Variants in RTL10 observed in about 807,000 individuals in gnomAD.
RTL10 encodes protein Bop.
For synonymous variants in RTL10, 199 were observed against 188.4 expected (o/e 1.06, Z -0.46); for missense variants, 477 against 470.7 (o/e 1.01, Z -0.12).
Position 19,849,317 on chromosome 22 carries a change from C to T in RTL10, c.*1850G>A. The T allele has an allele frequency of 1.0e-6, 1 of 976,656 alleles. No individual in the cohort carries two copies. Among genetic ancestry groups the T allele is most frequent in the Non-Finnish European group, 1.2e-6 (1 of 822,926 alleles). The allele number at this position is 976,656 out of a possible 1,614,324, so 60.5% of individuals were successfully genotyped here. On this transcript the variant is annotated 3_prime_UTR_variant, in exon 3 of 3. Transcript: ENST00000328554. ...CAGAGCCTTTTCTAGTGATAGTTAC[C>T]ATAAAATAATCCCAACAATTTATAT...
rs536157589 is a variant in RTL10, at chr22:19,846,989, G to A, written c.*4178C>T. ...CCTCAGCAGCACCAACCAGCCCCAC[G>A]CTGGGTGGCTGCTTGTACTTCTCCA... On this transcript the variant is annotated 3_prime_UTR_variant, in exon 3 of 3. Transcript: ENST00000328554. 63 of 985,422 alleles carry A rather than the reference G, an allele frequency of 6.4e-5. No individual in the cohort carries two copies. The highest frequency in any genetic ancestry group is 2.1e-4 in the African/African-American group (12 of 57,352). The allele number at this position is 985,422 out of a possible 1,614,324, so 61.0% of individuals were successfully genotyped here. A position where few individuals can be genotyped will look rare whatever the true frequency, so the allele number is the denominator to read the frequency against.
rs1187629553 is a variant in RTL10 at position 19,850,838 on chromosome 22, A to C, written c.*329T>G. 7.7e-7 allele frequency: 1 copy of C among 1,305,034 alleles called. No individual in the cohort carries two copies. Among genetic ancestry groups the C allele is most frequent in the Non-Finnish European group, 9.7e-7 (1 of 1,031,282 alleles). The allele number at this position is 1,305,034 out of a possible 1,614,324, so 80.8% of individuals were successfully genotyped here. ...GTGTTTTATGGGGGTGGAGGTGACA[A>C]AGATGATGCAACTATCTGCTGAGAG... On this transcript the variant is annotated 3_prime_UTR_variant, in exon 3 of 3. Transcript: ENST00000328554.
Position 19,848,026 on chromosome 22 carries a change from G to T in RTL10, c.*3141C>A. ...CTAAATTTCCATATTTATTTGGCCC[G>T]TTTCAAAGTCCTCTATTCTCTGCTC... On this transcript the variant is annotated 3_prime_UTR_variant, in exon 3 of 3. Coordinates refer to ENST00000328554, the MANE Select transcript of RTL10 (RefSeq NM_024627.6). The T allele has an allele frequency of 1.0e-6, 1 of 985,158 alleles. No homozygotes were observed. The highest frequency in any genetic ancestry group is 1.2e-6 in the Non-Finnish European group (1 of 829,772). The allele number at this position is 985,158 out of a possible 1,614,324, so 61.0% of individuals were successfully genotyped here. A position where few individuals can be genotyped will look rare whatever the true frequency, so the allele number is the denominator to read the frequency against.
At chr22:19,854,237 G>A (rs942988462) in intron 2 of RTL10, among the ~76,000 whole-genome samples, 2 of 152,240 alleles carry the variant, frequency 1.3e-5, no homozygotes, top group African/African-American at 4.8e-5. Flanking sequence ...CACGGCGCAT[G>A]TGTGTTTGCC....
rs781619094 is a variant in RTL10 at position 19,851,250 on chromosome 22, G to C, written c.1012C>G (p.Gln338Glu). The C allele has an allele frequency of 2.5e-6, 4 of 1,606,748 alleles. No individual in the cohort carries two copies. Among genetic ancestry groups the C allele is most frequent in the South Asian group, 1.1e-5 (1 of 90,124 alleles). Residue 338 changes from glutamine to glutamate, a missense_variant, in exon 3 of 3, where the codon CAG becomes GAG. Coordinates refer to ENST00000328554, the MANE Select transcript of RTL10 (RefSeq NM_024627.6). The stretch of plus-strand genomic sequence containing the variant: ...TGTGGGGTACCTAAGGACACCTCCT[G>C]GTCTCCCTCTGTCTCCAAAACCTCC... ...EEEVLETEGD[Q>E]EVSLGTPQEV...
In RTL10 at chr22:19,851,031, C is replaced by G; in HGVS notation, c.*136G>C. 8.3e-6 allele frequency: 12 copies of G among 1,443,718 alleles called. No individual in the cohort carries two copies. The highest frequency in any genetic ancestry group is 1.4e-5 in the African/African-American group (1 of 69,814). The allele number at this position is 1,443,718 out of a possible 1,614,324, so 89.4% of individuals were successfully genotyped here. ...GTTCTGCTCAGCGCAGAGTCCAAAA[C>G]AAGCGCATCTTGCCCAGCTATGGGG... On this transcript the variant is annotated 3_prime_UTR_variant, in exon 3 of 3. Transcript: ENST00000328554.
intron 2 of RTL10, among the ~76,000 whole-genome samples, chr22:19,853,006 G>A (rs989650696): frequency 6.6e-6 from 1 of 152,166 alleles, no homozygotes; most frequent in Non-Finnish European, 1.5e-5. Flanking sequence ...CACAGACCGC[G>A]TCGTCATTAG....
At position 19,846,165 on chromosome 22, in the gene RTL10, T is replaced by C. The variant is rs1937955784; in HGVS notation, c.*5002A>G. On this transcript the variant is annotated 3_prime_UTR_variant, in exon 3 of 3. Transcript: ENST00000328554. ...AGTGGCTTCGCACATCAAAAATTTA[T>C]TTCTTGCTCATATTACATGTGCATC... is the stretch of plus-strand genomic sequence containing the variant. The C allele has an allele frequency of 6.5e-6, 1 of 152,920 alleles. No homozygotes were observed. The highest frequency in any genetic ancestry group is 1.5e-5 in the Non-Finnish European group (1 of 68,672). 9.5% of individuals were successfully genotyped at this position (152,920 alleles called of 1,614,324 possible). A position where few individuals can be genotyped will look rare whatever the true frequency, so the allele number is the denominator to read the frequency against.
rs1601354649 is a variant in RTL10 at position 19,847,973 on chromosome 22, C to T, written c.*3194G>A. ...CTTTTACTGAATAATCCATTTTACT[C>T]GTTAATTGGAAACACCTCTAGCCTG... On this transcript the variant is annotated 3_prime_UTR_variant, in exon 3 of 3. Coordinates refer to ENST00000328554, the MANE Select transcript of RTL10 (RefSeq NM_024627.6). 1.3e-5 allele frequency: 13 copies of T among 984,972 alleles called. No homozygotes were observed. The South Asian group carries it at 2.4e-4, about 18-fold the overall frequency. The allele number at this position is 984,972 out of a possible 1,614,324, so 61.0% of individuals were successfully genotyped here. A position where few individuals can be genotyped will look rare whatever the true frequency, so the allele number is the denominator to read the frequency against.
At position 19,847,025 on chromosome 22, in the gene RTL10, C is replaced by T; in HGVS notation, c.*4142G>A. On this transcript the variant is annotated 3_prime_UTR_variant, in exon 3 of 3. Transcript: ENST00000328554. ...GCTTGTACTTCTCCATACTGAGCAC[C>T]CCAGCCCATAGGATGATCAGCTGCT... 1 of 985,428 alleles carries T rather than the reference C, an allele frequency of 1.0e-6. No individual in the cohort carries two copies. The highest frequency in any genetic ancestry group is 1.7e-5 in the African/African-American group (1 of 57,348). 61.0% of individuals were successfully genotyped at this position (985,428 alleles called of 1,614,324 possible). A position where few individuals can be genotyped will look rare whatever the true frequency, so the allele number is the denominator to read the frequency against.
rs1209713211 is a variant in RTL10, at chr22:19,851,488, C to A, written c.774G>T (p.Gln258His). 13 of 1,614,136 alleles carry A rather than the reference C, an allele frequency of 8.1e-6. No homozygotes were observed. Among genetic ancestry groups the A allele is most frequent in the Non-Finnish European group, 1.1e-5 (13 of 1,180,032 alleles). The change falls in exon 3 of 3, where the codon CAG (glutamine) becomes CAT (histidine). Residue 258 changes from glutamine (Q) to histidine (H), a missense_variant. Gln to His is a conservative substitution (Grantham distance 24). Transcript: ENST00000328554. ...GCCCAGGGGTGCTCTCCTTGGTCAG[C>A]TGCTGCTCGAACAGAGCACTTCTAG... The part of the protein sequence containing the change: ...SVSRSALFEQ[Q>H]LTKESTPGPK...
Position 19,851,067 on chromosome 22 carries a change from T to A in RTL10, c.*100A>T. 1 of 1,464,904 alleles carries A rather than the reference T, an allele frequency of 6.8e-7. No homozygotes were observed. Among genetic ancestry groups the A allele is most frequent in the Non-Finnish European group, 9.0e-7 (1 of 1,107,566 alleles). 90.7% of individuals were successfully genotyped at this position (1,464,904 alleles called of 1,614,324 possible). On this transcript the variant is annotated 3_prime_UTR_variant, in exon 3 of 3. Transcript: ENST00000328554. ...TGCCCAGCTATGGGGTCTGAAGTCA[T>A]CTGGGGACACCACTCTGCTCTGACT...
chr22:19,853,727 G>GA (rs1367211465), intron 2 of RTL10, among the ~76,000 whole-genome samples: 4 of 151,980 alleles, frequency 2.6e-5, no homozygotes, highest in African/African-American at 9.7e-5. Context: ...CTGGGGGGGG[G>GA]GTCTTCACCT....
At position 19,851,865 on chromosome 22, in the gene RTL10, G is replaced by A. The variant is rs750569833; in HGVS notation, c.397C>T (p.Gln133Ter). The A allele has an allele frequency of 1.2e-6, 2 of 1,613,972 alleles. No individual in the cohort carries two copies. Among genetic ancestry groups the A allele is most frequent in the Non-Finnish European group, 1.7e-6 (2 of 1,180,038 alleles). ...DYMSFHFEHY[Q>*]DNISRVCEIL... Reference sequence around the variant, plus strand: ...TCGCAGACACGGCTGATGTTGTCCTGATAGTGCTCAAAGTGGAAGGACATG... The same window carrying A: ...TCGCAGACACGGCTGATGTTGTCCTAATAGTGCTCAAAGTGGAAGGACATG... The change falls in exon 3 of 3, where the codon CAG becomes TAG. Residue 133 changes from glutamine to a stop codon, truncating the protein, a stop_gained. Transcript: ENST00000328554. LOFTEE classifies it low-confidence loss of function (END_TRUNC).
rs1938003816 is a variant in RTL10, at chr22:19,847,902, G to C, written c.*3265C>G. On this transcript the variant is annotated 3_prime_UTR_variant, in exon 3 of 3. Coordinates refer to ENST00000328554, the MANE Select transcript of RTL10 (RefSeq NM_024627.6). ...AATCTGGAATATGTACTGGCATAAA[G>C]AGTGAGGCACATACATGGCTTTACT... 2 of 980,536 alleles carry C rather than the reference G, an allele frequency of 2.0e-6. No homozygotes were observed. Among genetic ancestry groups the C allele is most frequent in the African/African-American group, 1.8e-5 (1 of 56,298 alleles). 60.7% of individuals were successfully genotyped at this position (980,536 alleles called of 1,614,324 possible). A position where few individuals can be genotyped will look rare whatever the true frequency, so the allele number is the denominator to read the frequency against.
At chr22:19,852,887 G>A (rs959518132) in intron 2 of RTL10, among the ~76,000 whole-genome samples, 5 of 152,156 alleles carry the variant, frequency 3.3e-5, no homozygotes, top group African/African-American at 1.2e-4. Context: ...GGTGGAAGCA[G>A]CAAAAACTGG....
intron 2 of RTL10, among the ~76,000 whole-genome samples, chr22:19,853,716 T>A (rs1938165535): frequency 6.7e-6 from 1 of 150,302 alleles, no homozygotes. Flanking sequence ...CTGACCCCCC[T>A]CTGGGGGGGG....
In RTL10 at chr22:19,849,154, T is replaced by C; in HGVS notation, c.*2013A>G. The C allele has an allele frequency of 1.0e-6, 1 of 985,414 alleles. No homozygotes were observed. Among genetic ancestry groups the C allele is most frequent in the Non-Finnish European group, 1.2e-6 (1 of 829,896 alleles). The allele number at this position is 985,414 out of a possible 1,614,324, so 61.0% of individuals were successfully genotyped here. On this transcript the variant is annotated 3_prime_UTR_variant, in exon 3 of 3. Transcript: ENST00000328554. ...ATCAAGACTGAAAATGGGTTTCTTC[T>C]GCCAGCTCACTTGCTTTGCTACCAG...
In RTL10 at chr22:19,849,917, C is replaced by G; in HGVS notation, c.*1250G>C. 1.0e-6 allele frequency: 1 copy of G among 985,544 alleles called. No individual in the cohort carries two copies. Among genetic ancestry groups the G allele is most frequent in the Non-Finnish European group, 1.2e-6 (1 of 830,018 alleles). 61.0% of individuals were successfully genotyped at this position (985,544 alleles called of 1,614,324 possible). ...ACTTGGCTCCAGGAGCTTCCAAGCT[C>G]AGCTTCCACTAGAAAACCCCTCCTT... is the stretch of plus-strand genomic sequence containing the variant. On this transcript the variant is annotated 3_prime_UTR_variant, in exon 3 of 3. Transcript: ENST00000328554.
Sources: gnomAD v4.1 joint callset for allele counts (sites outside exome capture counted in the v4.1 genomes callset) on GRCh38, gnomAD v4.1.1 for gene constraint, MANE v1.5 for transcripts, NCBI Gene and HGNC (gene_info 2026-07-23, HGNC 2026-07-21) for gene names.